Variants in CD226 observed in about 807,000 individuals in gnomAD.
The protein encoded by CD226 is CD226 molecule.
CD226 carries 24 observed loss-of-function variants against 34.9 expected under a neutral mutation model. The observed-to-expected ratio is 0.69, with a 90% CI of 0.50 to 0.97. The LOEUF (loss-of-function observed/expected upper bound fraction) is 0.97. Ranked by LOEUF, CD226 falls within the 50% of genes least tolerant of loss-of-function variation. The pLI, the probability that CD226 is intolerant of heterozygous loss-of-function variation, is 0.00. For missense variants in CD226, 397 were observed against 412.7 expected (o/e 0.96, Z 0.33); for synonymous variants, 148 against 147.4 (o/e 1.00, Z -0.03).
chr18:69,863,316 T>G lies in CD226; in HGVS notation c.*998A>C, dbSNP rs1982926349. The G allele has an allele frequency of 6.6e-6, 1 of 152,188 alleles. No homozygotes were observed. Among genetic ancestry groups the G allele is most frequent in the African/African-American group, 2.4e-5 (1 of 41,446 alleles). 9.4% of individuals were successfully genotyped at this position (152,188 alleles called of 1,614,324 possible). A position where few individuals can be genotyped will look rare whatever the true frequency, so the allele number is the denominator to read the frequency against. On this transcript the variant is annotated 3_prime_UTR_variant, in exon 6 of 6. Transcript: ENST00000582621. ...TGACCCTTTTGAGAGAATTTACATA[T>G]TAAAAATAATTCTCAAAAGTAGACA...
chr18:69,897,855 A>T (rs1466377021), intron 2 of CD226, among the ~76,000 whole-genome samples: 2 of 152,124 alleles, frequency 1.3e-5, no homozygotes, highest in East Asian at 1.9e-4. Flanking sequence ...TCTCATCTTC[A>T]GCATGCGGTT....
At chr18:69,925,437 T>C (rs766352418) in intron 2 of CD226, among the ~76,000 whole-genome samples, 2 of 152,168 alleles carry the variant, frequency 1.3e-5, no homozygotes, top group Non-Finnish European at 2.9e-5. Context: ...CTCGTTTAGA[T>C]TTTCAAGCTC....
Position 69,926,888 on chromosome 18 carries a change from C to G in CD226, c.382+19846G>C, listed in dbSNP as rs575080185. ...AACTCAAAGCTCTGTGTCAACAAATCCTTTTTTGTTTTCGTGTAATAAAGA... is the reference window on the plus strand; with the variant it reads ...AACTCAAAGCTCTGTGTCAACAAATGCTTTTTTGTTTTCGTGTAATAAAGA... On this transcript the variant is annotated intron_variant, in intron 2 of 5. Coordinates refer to ENST00000582621, the MANE Select transcript of CD226 (RefSeq NM_001303618.2). Among the ~76,000 whole-genome samples, 12 of 152,232 alleles carry G rather than the reference C, an allele frequency of 7.9e-5. No individual in the cohort carries two copies. In the South Asian group the frequency reaches 2.5e-3, roughly 32 times the overall value.
chr18:69,940,603 T>A (rs2055711960), intron 2 of CD226, among the ~76,000 whole-genome samples: 1 of 137,592 alleles, frequency 7.3e-6, no homozygotes, highest in Admixed American at 7.3e-5. Context: ...TTTGGTGGCA[T>A]TTTGCCCCTG....
chr18:69,901,084 A>G (rs1056359051), intron 2 of CD226, among the ~76,000 whole-genome samples: 1 of 152,172 alleles, frequency 6.6e-6, no homozygotes, highest in African/African-American at 2.4e-5. Flanking sequence ...CAGAACTGCA[A>G]AGAGCAGAGA....
At chr18:69,926,276 G>A (rs759525745) in intron 2 of CD226, among the ~76,000 whole-genome samples, 3 of 151,688 alleles carry the variant, frequency 2.0e-5, no homozygotes, top group South Asian at 2.1e-4. Flanking sequence ...TACATCTCCC[G>A]CTTTGTATTT....
At chr18:69,923,427 T>A (rs987908566) in intron 2 of CD226, among the ~76,000 whole-genome samples, 6 of 152,162 alleles carry the variant, frequency 3.9e-5, no homozygotes, top group Non-Finnish European at 2.9e-5. Context: ...GAAAACGTCC[T>A]CTTTTTATCC....
chr18:69,916,193 T>C (rs145584503), intron 2 of CD226, among the ~76,000 whole-genome samples: 98 of 152,326 alleles, frequency 6.4e-4, no homozygotes, highest in African/African-American at 2.3e-3. Context: ...TGTGATTTAT[T>C]TGTAATATAC....
rs373393795 is a variant in CD226, at chr18:69,946,046, T to C, written c.382+688A>G. On this transcript the variant is annotated intron_variant, in intron 2 of 5. Coordinates refer to ENST00000582621, the MANE Select transcript of CD226 (RefSeq NM_001303618.2). ...ACATGGGAATTCAAACCATATCACGTGGCGGTGCACACCTGTAGTCCCAGC... is the reference window on the plus strand; with the variant it reads ...ACATGGGAATTCAAACCATATCACGCGGCGGTGCACACCTGTAGTCCCAGC... Among the ~76,000 whole-genome samples, 15 of 151,706 alleles carry C rather than the reference T, an allele frequency of 9.9e-5. No homozygotes were observed. In the South Asian group the frequency reaches 3.1e-3, roughly 32 times the overall value.
intron 2 of CD226, among the ~76,000 whole-genome samples, chr18:69,913,219 A>T (rs974682162): frequency 1.3e-5 from 2 of 152,190 alleles, no homozygotes; most frequent in African/African-American, 2.4e-5. Context: ...GAGAAGAGAG[A>T]GAGACATCAC....
intron 2 of CD226, among the ~76,000 whole-genome samples, chr18:69,919,087 C>T (rs966793587): frequency 1.4e-4 from 22 of 152,046 alleles, no homozygotes; most frequent in African/African-American, 4.8e-4. Flanking sequence ...AAAAAAGAGC[C>T]GAAAGGAAAT....
intron 3 of CD226, among the ~76,000 whole-genome samples, chr18:69,893,746 T>C (rs565551661): frequency 6.6e-6 from 1 of 152,318 alleles, no homozygotes; most frequent in South Asian, 2.1e-4. Context: ...CCACTCATCA[T>C]TTTCATTAAA....
intron 2 of CD226, among the ~76,000 whole-genome samples, chr18:69,943,569 G>A (rs1481450525): frequency 1.3e-5 from 2 of 152,162 alleles, no homozygotes; most frequent in Non-Finnish European, 2.9e-5. Context: ...TTAAACTCTA[G>A]GCTGAAAGCT....
intron 2 of CD226, among the ~76,000 whole-genome samples, chr18:69,897,350 T>C (rs1985359044): frequency 6.6e-6 from 1 of 152,226 alleles, no homozygotes; most frequent in Admixed American, 6.5e-5. Context: ...GTGGTAACTC[T>C]TTCTTAAAAT....
Position 69,895,740 on chromosome 18 carries a change from C to T in CD226, c.688G>A (p.Glu230Lys), listed in dbSNP as rs1168043222. The change falls in exon 3 of 6, where the codon GAA becomes AAA. Residue 230 changes from glutamate (E) to lysine (K), a missense_variant. Coordinates refer to ENST00000582621, the MANE Select transcript of CD226 (RefSeq NM_001303618.2). ...YRCYLQASAG[E>K]NETFVMRLTV... ...AATCTCATCACGAAGGTTTCGTTTT[C>T]TCCTGCGCTGGCCTGCAAGTAGCAG... The T allele has an allele frequency of 3.7e-6, 6 of 1,614,008 alleles. No individual in the cohort carries two copies. Among genetic ancestry groups the T allele is most frequent in the Non-Finnish European group, 5.1e-6 (6 of 1,180,004 alleles).
chr18:69,958,992 C>T (rs9961333), upstream of CD226, among the ~76,000 whole-genome samples: 3,400 of 152,124 alleles, frequency 0.022, 117 homozygotes, highest in African/African-American at 0.076. Context: ...TGGAGGCTCT[C>T]GAAATATGGT....
At chr18:69,919,320 C>A (rs1311373469) in intron 2 of CD226, among the ~76,000 whole-genome samples, 1 of 152,144 alleles carries the variant, frequency 6.6e-6, no homozygotes, top group South Asian at 2.1e-4. Context: ...TCCAGAAACG[C>A]TGTCAGGGAG....
upstream of CD226, among the ~76,000 whole-genome samples, chr18:69,952,696 AT>A (rs1399269725): frequency 6.6e-6 from 1 of 152,212 alleles, no homozygotes; most frequent in Admixed American, 6.5e-5. Flanking sequence ...TTGTCAACGG[AT>A]TCTTAGACAT....
intron 2 of CD226, among the ~76,000 whole-genome samples, chr18:69,901,579 CT>C (rs1436700030): frequency 1.3e-5 from 2 of 151,932 alleles, no homozygotes; most frequent in African/African-American, 4.8e-5. Flanking sequence ...ATTAAAAAAG[CT>C]TTAAAAGTAT....
Sources: gnomAD v4.1 joint callset for allele counts (sites outside exome capture counted in the v4.1 genomes callset) on GRCh38, gnomAD v4.1.1 for gene constraint, MANE v1.5 for transcripts, NCBI Gene and HGNC (gene_info 2026-07-23, HGNC 2026-07-21) for gene names.